Variants in ASIC2 observed in about 807,000 individuals in gnomAD.
ASIC2 encodes the protein acid sensing ion channel subunit 2.
In ASIC2, 25 loss-of-function variants were observed where a neutral mutation model predicts 57.3. That is an observed-to-expected ratio of 0.44 (90% confidence interval 0.32 to 0.61). The LOEUF is 0.61. Ranked by LOEUF, ASIC2 falls within the 20% of genes least tolerant of loss-of-function variation. ASIC2 has a pLI of 0.06. For synonymous variants in ASIC2, 319 were observed against 307.5 expected (o/e 1.04, Z -0.39); for missense variants, 641 against 738.1 (o/e 0.87, Z 1.52).
At chr17:33,121,899 C>T (rs888433382) in intron 1 of ASIC2, among the ~76,000 whole-genome samples, 1 of 152,168 alleles carries the variant, frequency 6.6e-6, no homozygotes, top group African/African-American at 2.4e-5. Context: ...CAGAGATCTC[C>T]CCAAGGCTGG....
intron 1 of ASIC2, among the ~76,000 whole-genome samples, chr17:33,263,992 G>T (rs1909375547): frequency 6.6e-6 from 1 of 152,238 alleles, no homozygotes; most frequent in Non-Finnish European, 1.5e-5. Flanking sequence ...TGGCATCTCA[G>T]TCTGCCTCCT....
At chr17:33,017,795 C>G in intron 7 of ASIC2, 111 bp from the exon 8 acceptor site, 1 of 981,890 alleles carries the variant, frequency 1.0e-6, no homozygotes, top group South Asian at 1.6e-5. Context: ...CCATGGGGAG[C>G]CTGGGCCTTG....
At chr17:33,102,092 C>T (rs954439756) in intron 2 of ASIC2, among the ~76,000 whole-genome samples, 1 of 152,158 alleles carries the variant, frequency 6.6e-6, no homozygotes, top group African/African-American at 2.4e-5. Context: ...TCTTCATCCT[C>T]ATCAGGAAAT....
At chr17:33,738,981 G>C (rs10512453) in intron 1 of ASIC2, among the ~76,000 whole-genome samples, 2 of 152,204 alleles carry the variant, frequency 1.3e-5, no homozygotes, top group South Asian at 4.1e-4. Flanking sequence ...ATTTAACCAC[G>C]ATGATTCTTT....
chr17:33,027,244 C>A (rs2091863066), intron 4 of ASIC2, among the ~76,000 whole-genome samples: 1 of 152,104 alleles, frequency 6.6e-6, no homozygotes, highest in South Asian at 2.1e-4. Flanking sequence ...TCCCTCTGAC[C>A]CTGGCTGGAA....
intron 9 of ASIC2, among the ~76,000 whole-genome samples, chr17:33,014,436 G>T (rs942262672): frequency 3.9e-5 from 6 of 152,004 alleles, no homozygotes; most frequent in African/African-American, 1.4e-4. Flanking sequence ...GGTGCAGGAA[G>T]TGCAGCCCAT....
At chr17:33,417,021 G>GA (rs376895362) in intron 1 of ASIC2, among the ~76,000 whole-genome samples, 20 of 147,020 alleles carry the variant, frequency 1.4e-4, no homozygotes, top group African/African-American at 2.5e-4. Context: ...GAGAGGAAAG[G>GA]AAAAAAAAAA....
rs1410986521 is a variant in ASIC2 at position 34,040,464 on chromosome 17, T to TGGGG, written c.555+115510_555+115513dup. Among the ~76,000 whole-genome samples the TGGGG allele has an allele frequency of 2.4e-4, 7 of 29,606 alleles. 1 individual carries two copies. The highest frequency in any genetic ancestry group is 6.6e-4 in the African/African-American group (7 of 10,598). 19.4% of individuals were successfully genotyped at this position (29,606 alleles called of 152,430 possible). ...GAGGAGGGGGAGGGGACGAGGAAGGTGGGGGGGGTCCCCGCTGCCCCCTGA... is the reference window on the plus strand; with the variant it reads ...GAGGAGGGGGAGGGGACGAGGAAGGTGGGGGGGGGGGGTCCCCGCTGCCCCCTGA... On this transcript the variant is annotated intron_variant, in intron 1 of 9. Coordinates refer to the ASIC2 transcript ENST00000359872.
At position 33,722,572 on chromosome 17, in the gene ASIC2, G is replaced by A. The variant is rs1479715297; in HGVS notation, c.555+433406C>T. Among the ~76,000 whole-genome samples the A allele has an allele frequency of 2.7e-5, 4 of 150,376 alleles. No homozygotes were observed. The East Asian group carries it at 7.8e-4, about 29-fold the overall frequency. ...GCTTGAAGCCAGGAGTTAGAGACCT[G>A]AGCAACATAGTAAGAGCCTCTCTCT... On this transcript the variant is annotated intron_variant, in intron 1 of 9. Coordinates refer to the ASIC2 transcript ENST00000359872.
At chr17:33,434,133 T>TAATA (rs1567859817) in intron 1 of ASIC2, among the ~76,000 whole-genome samples, 1 of 151,032 alleles carries the variant, frequency 6.6e-6, no homozygotes, top group Non-Finnish European at 1.5e-5. Context: ...AATAAATAAA[T>TAATA]AATAAATAAA....
rs1912952327 is a variant in ASIC2 at position 33,827,307 on chromosome 17, C to A, written c.555+328671G>T. ...CCCTAGTATTTTCTTTACTTTAGACCCATAGGACTAGGTCCTGTTGCAGCT... is the reference window on the plus strand; with the variant it reads ...CCCTAGTATTTTCTTTACTTTAGACACATAGGACTAGGTCCTGTTGCAGCT... On this transcript the variant is annotated intron_variant, in intron 1 of 9. Transcript: ENST00000359872. Among the ~76,000 whole-genome samples, 3 of 148,408 alleles carry A rather than the reference C, an allele frequency of 2.0e-5. No homozygotes were observed. The South Asian group carries it at 6.4e-4, about 32-fold the overall frequency.
intron 1 of ASIC2, among the ~76,000 whole-genome samples, chr17:33,709,488 A>G (rs1046721148): frequency 6.6e-6 from 1 of 152,246 alleles, no homozygotes; most frequent in Non-Finnish European, 1.5e-5. Context: ...ACATGAGATT[A>G]CAGTGAAAGT....
intron 1 of ASIC2, among the ~76,000 whole-genome samples, chr17:33,696,431 T>C (rs979349714): frequency 6.6e-6 from 1 of 152,198 alleles, no homozygotes; most frequent in Non-Finnish European, 1.5e-5. Context: ...GTTTGACACT[T>C]AAAGGGCTGA....
At chr17:33,428,119 C>G (rs1193809160) in intron 1 of ASIC2, among the ~76,000 whole-genome samples, 1 of 152,230 alleles carries the variant, frequency 6.6e-6, no homozygotes, top group Non-Finnish European at 1.5e-5. Flanking sequence ...CCTAAACTAC[C>G]TAGCTACACC....
At chr17:33,238,107 A>G (rs1020076617) in intron 1 of ASIC2, among the ~76,000 whole-genome samples, 4 of 152,322 alleles carry the variant, frequency 2.6e-5, no homozygotes, top group South Asian at 4.1e-4. Flanking sequence ...TCATGGTCAC[A>G]GGTTTTGTTT....
At chr17:33,826,929 G>A (rs1013832648) in intron 1 of ASIC2, among the ~76,000 whole-genome samples, 2 of 139,302 alleles carry the variant, frequency 1.4e-5, no homozygotes, top group Admixed American at 7.1e-5. Flanking sequence ...TAAATTACAT[G>A]GCATAGAGAA....
intron 1 of ASIC2, among the ~76,000 whole-genome samples, chr17:34,026,249 G>T (rs1287347292): frequency 1.3e-5 from 2 of 152,190 alleles, no homozygotes; most frequent in African/African-American, 4.8e-5. Flanking sequence ...ATTCCCAACA[G>T]CAGTATGCCT....
chr17:33,217,176 A>G (rs1005310540), intron 1 of ASIC2, among the ~76,000 whole-genome samples: 2 of 152,214 alleles, frequency 1.3e-5, no homozygotes, highest in African/African-American at 2.4e-5. Context: ...CTTGGACAGC[A>G]AAAGGCCCTG....
At chr17:34,127,176 A>G (rs569155111) in intron 1 of ASIC2, among the ~76,000 whole-genome samples, 336 of 152,290 alleles carry the variant, frequency 2.2e-3, no homozygotes, top group Non-Finnish European at 3.5e-3. Context: ...TAAGTTTTCT[A>G]TGTGAAAGGC....
Sources: gnomAD v4.1 joint callset for allele counts (sites outside exome capture counted in the v4.1 genomes callset) on GRCh38, gnomAD v4.1.1 for gene constraint, MANE v1.5 for transcripts, NCBI Gene and HGNC (gene_info 2026-07-23, HGNC 2026-07-21) for gene names.